Variants in SPATA16 observed in about 807,000 individuals in gnomAD.
SPATA16 encodes spermatogenesis associated 16, also known as spermatogenesis-associated protein 16.
Under a neutral mutation model 63.3 loss-of-function variants are expected in SPATA16, and 36 were observed. That is an observed-to-expected ratio of 0.57 (90% CI 0.44 to 0.75). The LOEUF (loss-of-function observed/expected upper bound fraction) is 0.75, where lower values mean the gene tolerates loss of function less well. SPATA16 is among the 30% of genes least tolerant of loss of function. The pLI, the probability that SPATA16 is intolerant of heterozygous loss-of-function variation, is 0.00. For synonymous variants in SPATA16, 203 were observed against 216.7 expected (o/e 0.94, Z 0.56); for missense variants, 646 against 679.3 (o/e 0.95, Z 0.54).
At chr3:173,137,822 A>AAC (rs1185263699) in intron 1 of SPATA16, among the ~76,000 whole-genome samples, 20,461 of 121,996 alleles carry the variant, frequency 0.17, 1,771 homozygotes, top group Non-Finnish European at 0.18. Flanking sequence ...ATGGACTCTC[A>AAC]ACACACACAC....
At chr3:173,091,808 G>A (rs147045568) in intron 2 of SPATA16, among the ~76,000 whole-genome samples, 1,741 of 152,160 alleles carry the variant, frequency 0.011, 21 homozygotes, top group Middle Eastern at 0.027. Flanking sequence ...AGAAACTATA[G>A]GCCAGGTTAT....
At chr3:173,127,745 T>C (rs761651768) in intron 1 of SPATA16, among the ~76,000 whole-genome samples, 2 of 152,236 alleles carry the variant, frequency 1.3e-5, no homozygotes, top group Non-Finnish European at 2.9e-5. Context: ...ATGTCAATTT[T>C]GATCACCTGG....
chr3:173,016,554 AT>A (rs1281566490), intron 4 of SPATA16, among the ~76,000 whole-genome samples: 1 of 152,146 alleles, frequency 6.6e-6, no homozygotes, highest in African/African-American at 2.4e-5. Flanking sequence ...TAATAATGGC[AT>A]TTTTTTCATA....
intron 10 of SPATA16, among the ~76,000 whole-genome samples, chr3:172,904,187 G>T (rs957929673): frequency 6.6e-6 from 1 of 152,160 alleles, no homozygotes; most frequent in African/African-American, 2.4e-5. Context: ...GTATTGAAAT[G>T]CTTGGCACAC....
chr3:173,020,717 T>C (rs767218693), intron 3 of SPATA16, among the ~76,000 whole-genome samples: 3 of 152,224 alleles, frequency 2.0e-5, no homozygotes, highest in African/African-American at 7.2e-5. Flanking sequence ...ACTAGCTGGA[T>C]GCAGTCCATG....
intron 1 of SPATA16, among the ~76,000 whole-genome samples, chr3:173,123,655 G>A (rs1034155206): frequency 6.7e-6 from 1 of 149,208 alleles, no homozygotes; most frequent in Admixed American, 6.7e-5. Context: ...CCAGGCTGGA[G>A]TGCAATGGTG....
intron 10 of SPATA16, among the ~76,000 whole-genome samples, chr3:172,897,160 T>G (rs1484342328): frequency 1.3e-5 from 2 of 152,212 alleles, no homozygotes; most frequent in South Asian, 2.1e-4. Flanking sequence ...TTTTCTTTTA[T>G]TTTTGGTCTA....
intron 2 of SPATA16, among the ~76,000 whole-genome samples, chr3:173,054,113 A>G (rs1736161554): frequency 6.6e-6 from 1 of 152,026 alleles, no homozygotes; most frequent in Non-Finnish European, 1.5e-5. Context: ...TTACAATTAT[A>G]GTTGAAGATT....
chr3:172,908,702 C>A (rs1188951198), intron 10 of SPATA16, among the ~76,000 whole-genome samples: 1 of 152,164 alleles, frequency 6.6e-6, no homozygotes, highest in East Asian at 1.9e-4. Context: ...TATAATTCTG[C>A]TGCTTCAGAT....
intron 8 of SPATA16, among the ~76,000 whole-genome samples, chr3:172,918,320 G>T (rs1038933055): frequency 6.6e-6 from 1 of 152,192 alleles, no homozygotes; most frequent in African/African-American, 2.4e-5. Flanking sequence ...GGCTGCTCAG[G>T]AACATAATCT....
chr3:172,920,578 T>C (rs1473322122), intron 8 of SPATA16, among the ~76,000 whole-genome samples: 4 of 152,202 alleles, frequency 2.6e-5, no homozygotes, highest in African/African-American at 9.7e-5. Context: ...ATGTATCTTT[T>C]AGTTTAATGG....
intron 3 of SPATA16, among the ~76,000 whole-genome samples, chr3:173,039,320 C>T (rs1735785999): frequency 6.6e-6 from 1 of 152,002 alleles, no homozygotes; most frequent in Admixed American, 6.6e-5. Context: ...TGAATAAACC[C>T]ACCCACAAGG....
In SPATA16 at chr3:172,916,394, G is replaced by A; in HGVS notation, c.1426C>T (p.Gln476Ter). The change falls in exon 9 of 11, where the codon CAG (glutamine) becomes TAG (stop). Residue 476 changes from glutamine to a stop codon, truncating the protein, a stop_gained. Transcript: ENST00000351008. LOFTEE classifies it high-confidence loss of function. ...TCTGCCATTGCTTGATTAATCACCT[G>A]GGACTGCTCCTTTACTCTCTGCAGC... ...SQLQRVKEQS[Q>*]VINQAMAELA... 2 of 1,613,870 alleles carry A rather than the reference G, an allele frequency of 1.2e-6. No individual in the cohort carries two copies. Among genetic ancestry groups the A allele is most frequent in the South Asian group, 2.2e-5 (2 of 91,070 alleles).
chr3:173,002,601 A>C (rs746276281), intron 4 of SPATA16, among the ~76,000 whole-genome samples: 1 of 152,240 alleles, frequency 6.6e-6, no homozygotes, highest in Non-Finnish European at 1.5e-5. Context: ...GAAAGAACAA[A>C]AGGCAAAGAA....
chr3:172,924,380 CT>C, intron 7 of SPATA16, 63 bp from the exon 8 acceptor site: 1 of 1,311,172 alleles, frequency 7.6e-7, no homozygotes, highest in Non-Finnish European at 1.1e-6. Flanking sequence ...AAAATATTTT[CT>C]TTAGCAAGCT....
At chr3:173,029,441 T>G (rs1252378621) in intron 3 of SPATA16, among the ~76,000 whole-genome samples, 1 of 150,424 alleles carries the variant, frequency 6.6e-6, no homozygotes, top group African/African-American at 2.5e-5. Context: ...TTGTTGTTTG[T>G]TTGTTTGTTT....
At chr3:172,908,734 T>C (rs1732296333) in intron 10 of SPATA16, among the ~76,000 whole-genome samples, 1 of 152,218 alleles carries the variant, frequency 6.6e-6, no homozygotes, top group Non-Finnish European at 1.5e-5. Flanking sequence ...GTGTTTTCAT[T>C]AGTTACAACA....
intron 1 of SPATA16, among the ~76,000 whole-genome samples, chr3:173,136,966 C>T (rs1397904638): frequency 1.3e-5 from 2 of 152,140 alleles, no homozygotes; most frequent in Non-Finnish European, 2.9e-5. Flanking sequence ...AGAGGAAAAA[C>T]GTACCCAAAG....
At chr3:173,058,683 G>A (rs1736307903) in intron 2 of SPATA16, among the ~76,000 whole-genome samples, 1 of 151,876 alleles carries the variant, frequency 6.6e-6, no homozygotes. Flanking sequence ...CATGGGTATG[G>A]GTATACTGTT....
Sources: allele counts gnomAD v4.1 joint callset (sites outside exome capture counted in the v4.1 genomes callset), GRCh38; gene constraint gnomAD v4.1.1; transcripts MANE v1.5; gene names NCBI Gene and HGNC (gene_info 2026-07-23, HGNC 2026-07-21).